The following MVK variants were observed in gnomAD, a reference collection of about 807,000 sequenced individuals.
MVK encodes the protein LH receptor mRNA-binding protein.
In MVK, 34 loss-of-function variants were observed where a neutral mutation model predicts 43.2. The ratio of observed to expected loss-of-function variants is 0.79; its 90% CI spans 0.60 to 1.05. The LOEUF is 1.05. MVK is among the 50% of genes least tolerant of loss of function. MVK has a pLI of 0.00. For synonymous variants in MVK, 190 were observed against 219.8 expected (o/e 0.86, Z 1.20); for missense variants, 395 against 504.0 (o/e 0.78, Z 2.07).
intron 3 of MVK, chr12:109,579,265 G>T (rs963934735): frequency 9.4e-6 from 4 of 423,800 alleles, no homozygotes; most frequent in Admixed American, 2.7e-5. Context: ...TCAGCCTTCT[G>T]AGTAGCTGGG....
At chr12:109,575,232 G>A (rs1884890430) in intron 2 of MVK, among the ~76,000 whole-genome samples, 1 of 152,144 alleles carries the variant, frequency 6.6e-6, no homozygotes, top group East Asian at 1.9e-4. Flanking sequence ...TCTAGCAAAG[G>A]AGTTGAAAAC....
At chr12:109,583,616 T>C (rs1885315558) in intron 5 of MVK, among the ~76,000 whole-genome samples, 1 of 152,222 alleles carries the variant, frequency 6.6e-6, no homozygotes, top group Non-Finnish European at 1.5e-5. Context: ...ATATACCCAG[T>C]AATGGGATGG....
chr12:109,595,067 G>C lies in MVK; in HGVS notation c.925G>C (p.Gly309Arg), dbSNP rs104895305. Residue 309 changes from glycine to arginine, a missense_variant, in exon 10 of 11, where the codon GGC becomes CGC. Physicochemically the swap from Gly to Arg is moderately radical, Grantham distance 125 (BLOSUM62 -2). Transcript: ENST00000228510. This position sits in a 1 kb window ranked among gnomAD's most constrained non-coding sequence, Gnocchi z 5.9. ...GAACCAGCACCATCTGAATGCCCTC[G>C]GCGTGGGCCACGCCTCTCTGGACCA... Reference protein sequence around the residue: ...DMNQHHLNALGVGHASLDQLC... With the variant: ...DMNQHHLNALRVGHASLDQLC... 6.2e-7 allele frequency: 1 copy of C among 1,614,198 alleles called. No homozygotes were observed. Among genetic ancestry groups the C allele is most frequent in the South Asian group, 1.1e-5 (1 of 91,088 alleles).
intron 1 of MVK, among the ~76,000 whole-genome samples, chr12:109,574,470 C>T (rs1461680832): frequency 6.6e-6 from 1 of 152,182 alleles, no homozygotes; most frequent in Non-Finnish European, 1.5e-5. Flanking sequence ...CAGACACCGC[C>T]AAGTGTTTCC....
chr12:109,590,697 C>A (rs979531875), intron 7 of MVK, 74 bp from the exon 8 acceptor site: 2 of 1,426,188 alleles, frequency 1.4e-6, no homozygotes, highest in Non-Finnish European at 2.0e-6. Flanking sequence ...GGCGGCTTCC[C>A]GGACTGCTCC....
intron 3 of MVK, among the ~76,000 whole-genome samples, chr12:109,578,804 ATG>A (rs1885074804): frequency 6.6e-6 from 1 of 152,220 alleles, no homozygotes; most frequent in Admixed American, 6.5e-5. Context: ...TCCCTTGAGA[ATG>A]TGACCTGAGG....
intron 5 of MVK, among the ~76,000 whole-genome samples, chr12:109,583,301 A>T (rs1250593887): frequency 4.0e-5 from 6 of 149,164 alleles, no homozygotes; most frequent in African/African-American, 1.5e-4. Context: ...TCCTGTGTCC[A>T]TGTGTTCTCA....
At chr12:109,582,736 T>C (rs993633158) in intron 5 of MVK, among the ~76,000 whole-genome samples, 1 of 150,648 alleles carries the variant, frequency 6.6e-6, no homozygotes, top group African/African-American at 2.4e-5. Flanking sequence ...GGAGGAAGAC[T>C]CACATTTGTT....
At chr12:109,586,208 G>T in intron 6 of MVK, 83 bp downstream of exon 6, 1 of 1,103,004 alleles carries the variant, frequency 9.1e-7, no homozygotes, top group Non-Finnish European at 1.4e-6. Context: ...GTCTGTGCTG[G>T]TTTGGGAGGA....
Position 109,595,221 on chromosome 12 carries a change from T to G in MVK, c.1039+40T>G. On this transcript the variant is annotated intron_variant, in intron 10 of 10. Transcript: ENST00000228510. The surrounding 1 kb of genome is among the most constrained non-coding windows in gnomAD (Gnocchi z 5.9). ...GGTGGGCCAGGCTGCCAGCCTGGGC[T>G]CCTAAGAGGGGTCCACCTGGAGAAT... The G allele has an allele frequency of 6.2e-7, 1 of 1,611,494 alleles. No homozygotes were observed. The highest frequency in any genetic ancestry group is 8.5e-7 in the Non-Finnish European group (1 of 1,179,276).
At position 109,591,342 on chromosome 12, in the gene MVK, G is replaced by A. The variant is rs376025633; in HGVS notation, c.870G>A (p.Gln290=). 5 of 1,614,178 alleles carry A rather than the reference G, an allele frequency of 3.1e-6. No homozygotes were observed. The highest frequency in any genetic ancestry group is 1.1e-5 in the South Asian group (1 of 91,086). ...GEMGEAPAPE[Q]YLVLEELIDM... Reference sequence around the variant, plus strand: ...TGGGGGAAGCCCCAGCCCCGGAGCAGTACCTCGTGCTGGAAGTAAGAGCCT... The same window carrying A: ...TGGGGGAAGCCCCAGCCCCGGAGCAATACCTCGTGCTGGAAGTAAGAGCCT... The change falls in exon 9 of 11, where the codon CAG becomes CAA. Residue 290 remains glutamine (Q), a synonymous_variant. Transcript: ENST00000228510.
chr12:109,576,184 T>A (rs1481800214), intron 3 of MVK, 39 bp downstream of exon 3: 2 of 1,613,224 alleles, frequency 1.2e-6, no homozygotes, highest in Non-Finnish European at 1.7e-6. Flanking sequence ...GCTAAGAGCC[T>A]ACAGAGAGGG....
chr12:109,590,386 C>G (rs553056862), intron 7 of MVK: 55 of 347,044 alleles, frequency 1.6e-4, no homozygotes, highest in Admixed American at 6.6e-4. Flanking sequence ...CCTCACCCTT[C>G]TAGCTTTGCT....
Position 109,597,705 on chromosome 12 carries a change from G to C in MVK, c.*1128G>C, listed in dbSNP as rs970828110. ...TTGAACTTTATATTGCAGTCAGCTTGGTGCTTTCCGAAATGCCATTAGCCA... is the reference window on the plus strand; with the variant it reads ...TTGAACTTTATATTGCAGTCAGCTTCGTGCTTTCCGAAATGCCATTAGCCA... On this transcript the variant is annotated 3_prime_UTR_variant, in exon 11 of 11. Coordinates refer to ENST00000228510, the MANE Select transcript of MVK (RefSeq NM_000431.4). 1.3e-5 allele frequency: 2 copies of C among 152,262 alleles called. No individual in the cohort carries two copies. The highest frequency in any genetic ancestry group is 4.8e-5 in the African/African-American group (2 of 41,554). The allele number at this position is 152,262 out of a possible 1,614,324, so 9.4% of individuals were successfully genotyped here.
chr12:109,573,778 C>A, upstream of MVK: 1 of 443,224 alleles, frequency 2.3e-6, no homozygotes, highest in Non-Finnish European at 4.2e-6. Flanking sequence ...ACGCCTCCTC[C>A]CCTTGAGGCA....
Position 109,579,894 on chromosome 12 carries a change from C to G in MVK, c.319C>G (p.Leu107Val). Reference sequence around the variant, plus strand: ...TGACGACTGTGCTGTCACCGAGCGCCTGGCTGTGCTGGCCTTTCTTTACTT... The same window carrying G: ...TGACGACTGTGCTGTCACCGAGCGCGTGGCTGTGCTGGCCTTTCTTTACTT... ...LPDDCAVTER[L>V]AVLAFLYLYL... The change falls in exon 4 of 11, where the codon CTG becomes GTG. Residue 107 changes from leucine to valine, a missense_variant. By Grantham distance (32) the Leu-to-Val change is conservative. Transcript: ENST00000228510. 6.2e-7 allele frequency: 1 copy of G among 1,614,266 alleles called. No individual in the cohort carries two copies. The highest frequency in any genetic ancestry group is 8.5e-7 in the Non-Finnish European group (1 of 1,180,052).
chr12:109,586,621 TG>T, intron 6 of MVK, 132 bp from the exon 7 acceptor site: 2 of 960,130 alleles, frequency 2.1e-6, no homozygotes, highest in Non-Finnish European at 3.3e-6. Flanking sequence ...TAACTGAAGC[TG>T]GGCTGACTCA....
At chr12:109,587,211 GAC>G (rs981960544) in intron 7 of MVK, 1 of 266,956 alleles carries the variant, frequency 3.7e-6, no homozygotes, top group Non-Finnish European at 7.5e-6. Context: ...GGTGGGGCCA[GAC>G]ACACACAAAA....
At chr12:109,579,022 C>A in intron 3 of MVK, 1 of 284,172 alleles carries the variant, frequency 3.5e-6, no homozygotes. Context: ...GTTAACTTAA[C>A]ACTCTTTTGA....
Sources: gnomAD v4.1 joint callset for allele counts (sites outside exome capture counted in the v4.1 genomes callset) on GRCh38, gnomAD v4.1.1 for gene constraint, Gnocchi (gnomAD v3.1) non-coding constraint, MANE v1.5 for transcripts, NCBI Gene and HGNC (gene_info 2026-07-23, HGNC 2026-07-21) for gene names.